The following TIMP4 variants were observed in gnomAD, a reference collection of about 807,000 sequenced individuals.
TIMP4 encodes metalloproteinase inhibitor 4.
In TIMP4, 28 loss-of-function variants were observed where a neutral mutation model predicts 27.3. The observed-to-expected ratio is 1.03, with a 90% CI of 0.76 to 1.41. The LOEUF is 1.41. Ranked by LOEUF, TIMP4 falls within the 40% of genes most tolerant of loss-of-function variation. The probability of loss-of-function intolerance (pLI) is 0.00; values close to 1 mark genes in which losing one functional copy is unlikely to be tolerated. For synonymous variants in TIMP4, 138 were observed against 115.5 expected, an observed-to-expected ratio of 1.20 and a Z score of -1.25; for missense variants, 307 against 285.5, an observed-to-expected ratio of 1.08 and a Z score of -0.54.
Position 12,158,719 on chromosome 3 carries a change from A to G in TIMP4, c.122T>C (p.Ile41Thr), listed in dbSNP as rs199536325. Residue 41 changes from isoleucine to threonine, a missense_variant, in exon 1 of 5, where the codon ATC becomes ACC. Coordinates refer to ENST00000287814, the MANE Select transcript of TIMP4 (RefSeq NM_003256.4). ...GGACTCACCAAGTGCCGAGTGGCAG[A>G]TGTGCTGCTGAGGGTGCGCCGGGGC... ...SCAPAHPQQH[I>T]CHSALVIRAK... The G allele has an allele frequency of 2.1e-4, 344 of 1,610,184 alleles. No homozygotes were observed. Among genetic ancestry groups the G allele is most frequent in the Non-Finnish European group, 2.7e-4 (320 of 1,179,754 alleles).
At chr3:12,156,368 A>G (rs551419919) in intron 3 of TIMP4, among the ~76,000 whole-genome samples, 1 of 152,282 alleles carries the variant, frequency 6.6e-6, no homozygotes, top group Non-Finnish European at 1.5e-5. Flanking sequence ...ATCCCAGCCA[A>G]TTCAGTATGG....
rs766932798 is a variant in TIMP4 at position 12,156,921 on chromosome 3, A to T, written c.251T>A (p.Phe84Tyr). 6.2e-7 allele frequency: 1 copy of T among 1,613,762 alleles called. No homozygotes were observed. Among genetic ancestry groups the T allele is most frequent in the Non-Finnish European group, 8.5e-7 (1 of 1,179,650 alleles). ...EIKQIKMFKG[F>Y]EKVKDVQYIY... ...ATACTGAACATCCTTGACTTTCTCA[A>T]ACCCTTTGAACATCTGACAGGCAAT... is the stretch of plus-strand genomic sequence containing the variant. Residue 84 changes from phenylalanine to tyrosine, a missense_variant, in exon 3 of 5, where the codon TTT becomes TAT. Physicochemically the swap from Phe to Tyr is conservative, Grantham distance 22. Coordinates refer to ENST00000287814, the MANE Select transcript of TIMP4 (RefSeq NM_003256.4).
At position 12,153,441 on chromosome 3, in the gene TIMP4, C is replaced by G; in HGVS notation, c.*74G>C. 6.4e-7 allele frequency: 1 copy of G among 1,566,214 alleles called. No homozygotes were observed. The highest frequency in any genetic ancestry group is 8.8e-7 in the Non-Finnish European group (1 of 1,139,198). On this transcript the variant is annotated 3_prime_UTR_variant, in exon 5 of 5. Coordinates refer to ENST00000287814, the MANE Select transcript of TIMP4 (RefSeq NM_003256.4). ...CAGCAAGAGGTCAGGTGGTAATGGC[C>G]AAAGCTCTGCAGGGAAGGAGAACTG... is the stretch of plus-strand genomic sequence containing the variant.
At position 12,153,586 on chromosome 3, in the gene TIMP4, C is replaced by A. The variant is rs1326802378; in HGVS notation, c.604G>T (p.Asp202Tyr). The A allele has an allele frequency of 1.2e-6, 2 of 1,614,130 alleles. No homozygotes were observed. The highest frequency in any genetic ancestry group is 1.7e-6 in the Non-Finnish European group (2 of 1,180,002). The change falls in exon 5 of 5, where the codon GAC (aspartate) becomes TAC (tyrosine). Residue 202 changes from aspartate (D) to tyrosine (Y), a missense_variant. Asp to Tyr is a radical substitution (Grantham distance 160). Transcript: ENST00000287814. ...AQHYVCMKHVDGTCSWYRGHL... is the reference protein window; with the variant it reads ...AQHYVCMKHVYGTCSWYRGHL... Reference sequence around the variant, plus strand: ...CCCCGGTACCAGCTGCAGGTGCCGTCAACATGCTTCATACAGACATAATGC... The same window carrying A: ...CCCCGGTACCAGCTGCAGGTGCCGTAAACATGCTTCATACAGACATAATGC...
intron 4 of TIMP4, 55 bp from the exon 5 acceptor site, chr3:12,153,767 T>G: frequency 1.9e-6 from 3 of 1,592,514 alleles, no homozygotes; most frequent in Admixed American, 3.3e-5. Context: ...CTTTTTCCAT[T>G]GCTGCCTTTC....
At chr3:12,156,970 C>A in intron 2 of TIMP4, 36 bp from the exon 3 acceptor site, 1 of 1,467,796 alleles carries the variant, frequency 6.8e-7, no homozygotes, top group South Asian at 1.1e-5. Context: ...AATATTGGGT[C>A]AGTGAGTGTA....
At chr3:12,154,492 TCTC>T in intron 3 of TIMP4, 41 bp from the exon 4 acceptor site, 1 of 1,607,648 alleles carries the variant, frequency 6.2e-7, no homozygotes, top group Non-Finnish European at 8.5e-7. Context: ...TCAGGATTCT[TCTC>T]CTGGAGCCCC....
chr3:12,153,598 TACAG>T lies in TIMP4; in HGVS notation c.588_591del (p.Cys197Ter), dbSNP rs1037421889. The T allele has an allele frequency of 2.9e-5, 47 of 1,614,044 alleles. 1 individual carries two copies. The highest frequency in any genetic ancestry group is 8.5e-7 in the Non-Finnish European group (1 of 1,180,018). ...CTGCAGGTGCCGTCAACATGCTTCATACAGACATAATGCTGAGCCTGGTAACCAT... is the reference window on the plus strand; with the variant it reads ...CTGCAGGTGCCGTCAACATGCTTCATACATAATGCTGAGCCTGGTAACCAT... On this transcript the variant is annotated frameshift_variant, in exon 5 of 5. Coordinates refer to ENST00000287814, the MANE Select transcript of TIMP4 (RefSeq NM_003256.4). LOFTEE classifies it high-confidence loss of function.
intron 4 of TIMP4, 148 bp downstream of exon 4, chr3:12,154,179 G>A: frequency 1.7e-6 from 2 of 1,210,042 alleles, no homozygotes; most frequent in Non-Finnish European, 2.3e-6. Flanking sequence ...TTGAGATCAG[G>A]GCCTATAGAC....
In TIMP4 at chr3:12,157,463, G is replaced by A. The variant is rs774613964; in HGVS notation, c.159C>T (p.Ser53=). Residue 53 remains serine (S), a synonymous_variant, in exon 2 of 5, where the codon TCC becomes TCT. Coordinates refer to ENST00000287814, the MANE Select transcript of TIMP4 (RefSeq NM_003256.4). ...CACTGGCCGGAACTACCTTCTCACT[G>A]GAGATTTTGGCCCGAATCACTGCAT... The part of the protein sequence containing the change: ...HSALVIRAKI[S]SEKVVPASAD... 8.1e-6 allele frequency: 13 copies of A among 1,614,060 alleles called. No homozygotes were observed. Among genetic ancestry groups the A allele is most frequent in the Non-Finnish European group, 1.1e-5 (13 of 1,180,024 alleles).
chr3:12,153,581 G>A lies in TIMP4; in HGVS notation c.609C>T (p.Gly203=). The change falls in exon 5 of 5, where the codon GGC becomes GGT. Residue 203 remains glycine, a synonymous_variant. Coordinates refer to ENST00000287814, the MANE Select transcript of TIMP4 (RefSeq NM_003256.4). ...GGTGGCCCCGGTACCAGCTGCAGGTGCCGTCAACATGCTTCATACAGACAT... is the reference window on the plus strand; with the variant it reads ...GGTGGCCCCGGTACCAGCTGCAGGTACCGTCAACATGCTTCATACAGACAT... ...QHYVCMKHVD[G]TCSWYRGHLP... 6.2e-7 allele frequency: 1 copy of A among 1,614,124 alleles called. No homozygotes were observed. The highest frequency in any genetic ancestry group is 8.5e-7 in the Non-Finnish European group (1 of 1,180,002).
chr3:12,154,044 A>G (rs747501279), intron 4 of TIMP4, among the ~76,000 whole-genome samples: 28 of 152,186 alleles, frequency 1.8e-4, no homozygotes, highest in Non-Finnish European at 3.8e-4. Context: ...TAAATTAAAC[A>G]TTTACAGTAA....
chr3:12,153,391 C>T lies in TIMP4; in HGVS notation c.*124G>A. The T allele has an allele frequency of 8.7e-7, 1 of 1,152,422 alleles. No individual in the cohort carries two copies. Among genetic ancestry groups the T allele is most frequent in the Non-Finnish European group, 1.3e-6 (1 of 775,142 alleles). 71.4% of individuals were successfully genotyped at this position (1,152,422 alleles called of 1,614,324 possible). A position where few individuals can be genotyped will look rare whatever the true frequency, so the allele number is the denominator to read the frequency against. On this transcript the variant is annotated 3_prime_UTR_variant, in exon 5 of 5. Transcript: ENST00000287814. ...CCTGCCTTGACAGTGGCCAGACTGTCCACTTGGCACTTCTTATTAGCTGGC... is the reference window on the plus strand; with the variant it reads ...CCTGCCTTGACAGTGGCCAGACTGTTCACTTGGCACTTCTTATTAGCTGGC...
intron 3 of TIMP4, 152 bp from the exon 4 acceptor site, chr3:12,154,603 AC>A: frequency 1.3e-6 from 1 of 763,898 alleles, no homozygotes; most frequent in Non-Finnish European, 2.1e-6. Flanking sequence ...AATAAATAAA[AC>A]TACTATAATC....
rs756779101 is a variant in TIMP4, at chr3:12,156,849, G to A, written c.323C>T (p.Ala108Val). Residue 108 changes from alanine to valine, a missense_variant, in exon 3 of 5, where the codon GCC (alanine) becomes GTC (valine). By Grantham distance (64) the Ala-to-Val change is moderately conservative. Transcript: ENST00000287814. Reference sequence around the variant, plus strand: ...CAAGAGATACTGCTTCTGGCTGTTGGCTTCTAGTTTCACACCACAGAGGGA... The same window carrying A: ...CAAGAGATACTGCTTCTGGCTGTTGACTTCTAGTTTCACACCACAGAGGGA... ...DSSLCGVKLE[A>V]NSQKQYLLTG... 8.1e-6 allele frequency: 13 copies of A among 1,614,108 alleles called. No individual in the cohort carries two copies. The highest frequency in any genetic ancestry group is 1.1e-5 in the Non-Finnish European group (13 of 1,180,000).
rs367795758 is a variant in TIMP4, at chr3:12,158,699, C to T, written c.139+3G>A. The T allele has an allele frequency of 3.4e-5, 54 of 1,610,196 alleles. No individual in the cohort carries two copies. The African/African-American group carries it at 6.8e-4, about 20-fold the overall frequency. ...CTGTGGACCTCGCGGACCTCGGACT[C>T]ACCAAGTGCCGAGTGGCAGATGTGC... On this transcript the variant is annotated splice_donor_region_variant and intron_variant, in intron 1 of 4. Transcript: ENST00000287814.
rs377268683 is a variant in TIMP4 at position 12,157,477 on chromosome 3, G to A, written c.145C>T (p.Arg49Trp). ...QHICHSALVI[R>W]AKISSEKVVP... is the part of the protein sequence containing the mutation. Reference sequence around the variant, plus strand: ...ACCTTCTCACTGGAGATTTTGGCCCGAATCACTGCATAGGAAGAGAAAAGA... The same window carrying A: ...ACCTTCTCACTGGAGATTTTGGCCCAAATCACTGCATAGGAAGAGAAAAGA... The change falls in exon 2 of 5, where the codon CGG becomes TGG. Residue 49 changes from arginine to tryptophan, a missense_variant. By Grantham distance (101) the Arg-to-Trp change is moderately radical (BLOSUM62 -3). Transcript: ENST00000287814. 25 of 1,613,970 alleles carry A rather than the reference G, an allele frequency of 1.5e-5. No homozygotes were observed. The highest frequency in any genetic ancestry group is 2.7e-5 in the African/African-American group (2 of 74,916).
intron 3 of TIMP4, among the ~76,000 whole-genome samples, chr3:12,155,699 A>G (rs6801376): frequency 0.047 from 7,150 of 152,140 alleles, 591 homozygotes; most frequent in African/African-American, 0.16. Context: ...TTCTTAGACT[A>G]TTTTTTGTCA....
Position 12,154,402 on chromosome 3 carries a change from G to T in TIMP4, c.402C>A (p.Ile134=), listed in dbSNP as rs145556365. ...GKVFIHLCNY[I]EPWEDLSLVQ... ...CCAAGGACAGGTCCTCCCAGGGCTC[G>T]ATGTAGTTGCACAGATGGATGAAGA... The change falls in exon 4 of 5, where the codon ATC becomes ATA. Residue 134 remains isoleucine, a synonymous_variant. Transcript: ENST00000287814. 1 of 1,614,066 alleles carries T rather than the reference G, an allele frequency of 6.2e-7. No individual in the cohort carries two copies. Among genetic ancestry groups the T allele is most frequent in the Non-Finnish European group, 8.5e-7 (1 of 1,180,034 alleles).
Sources: allele counts gnomAD v4.1 joint callset (sites outside exome capture counted in the v4.1 genomes callset), GRCh38; gene constraint gnomAD v4.1.1; transcripts MANE v1.5; gene names NCBI Gene and HGNC (gene_info 2026-07-23, HGNC 2026-07-21).